Variants in SUPT6H observed in about 807,000 individuals in gnomAD.
SUPT6H encodes transcription elongation factor SPT6.
In SUPT6H, 11 loss-of-function variants were observed where a neutral mutation model predicts 222.3. The observed-to-expected ratio is 0.05, with a 90% CI of 0.03 to 0.08. The LOEUF is 0.08. Ranked by LOEUF, SUPT6H falls within the 10% of genes least tolerant of loss-of-function variation. The pLI, the probability that SUPT6H is intolerant of heterozygous loss-of-function variation, is 1.00. For missense variants in SUPT6H, 1,422 were observed against 2,216.0 expected (o/e 0.64, Z 7.19); for synonymous variants, 762 against 801.2 (o/e 0.95, Z 0.83).
rs947345688 is a variant in SUPT6H, at chr17:28,700,748, T to G, written c.4807-193T>G. The G allele has an allele frequency of 6.5e-6, 6 of 929,154 alleles. No homozygotes were observed. The African/African-American group carries it at 8.3e-5, about 13-fold the overall frequency. The allele number at this position is 929,154 out of a possible 1,614,324, so 57.6% of individuals were successfully genotyped here. A position where few individuals can be genotyped will look rare whatever the true frequency, so the allele number is the denominator to read the frequency against. On this transcript the variant is annotated intron_variant, in intron 35 of 36. Transcript: ENST00000314616. Reference sequence around the variant, plus strand: ...CCCGCAAGCCACCAGAAAGTTGACATGGTCAGGACCAGTGGGCACCACTGT... The same window carrying G: ...CCCGCAAGCCACCAGAAAGTTGACAGGGTCAGGACCAGTGGGCACCACTGT...
chr17:28,671,268 A>G (rs774996017), intron 1 of SUPT6H: 2 of 152,166 alleles, frequency 1.3e-5, no homozygotes, highest in Non-Finnish European at 2.9e-5. Flanking sequence ...AACAGTTGCT[A>G]ATTTGTTAGC....
rs1017668421 is a variant in SUPT6H at position 28,690,160 on chromosome 17, T to A, written c.3421T>A (p.Tyr1141Asn). ...TCGATATAAGGACCTCCGGACAGCCTACCGCTCTCCCAACACAGAGGAGAT... is the reference window on the plus strand; with the variant it reads ...TCGATATAAGGACCTCCGGACAGCCAACCGCTCTCCCAACACAGAGGAGAT... Reference protein sequence around the residue: ...SCRYKDLRTAYRSPNTEEIFN... With the variant: ...SCRYKDLRTANRSPNTEEIFN... The change falls in exon 26 of 37, where the codon TAC becomes AAC. Residue 1141 changes from tyrosine to asparagine, a missense_variant. Transcript: ENST00000314616. The A allele has an allele frequency of 1.2e-6, 2 of 1,613,774 alleles. No homozygotes were observed. Among genetic ancestry groups the A allele is most frequent in the African/African-American group, 2.7e-5 (2 of 74,896 alleles).
At chr17:28,697,586 T>C (rs2031979732) in intron 30 of SUPT6H, 34 bp from the exon 31 acceptor site, 1 of 1,557,150 alleles carries the variant, frequency 6.4e-7, no homozygotes, top group Non-Finnish European at 8.9e-7. Flanking sequence ...CAGCTCTGGA[T>C]ATGACACATG....
rs2032064147 is a variant in SUPT6H at position 28,699,910 on chromosome 17, C to T, written c.4561+17C>T. 2 of 1,609,314 alleles carry T rather than the reference C, an allele frequency of 1.2e-6. No homozygotes were observed. Among genetic ancestry groups the T allele is most frequent in the Non-Finnish European group, 1.7e-6 (2 of 1,175,824 alleles). ...CTGTACCAGGTGAGTTCTGCTCTTC[C>T]TGACTTCAGGGACGTGGCTGGAGGA... On this transcript the variant is annotated intron_variant, in intron 33 of 36. Transcript: ENST00000314616.
In SUPT6H at chr17:28,675,100, A is replaced by G. The variant is rs1195839869; in HGVS notation, c.476A>G (p.Gln159Arg). The G allele has an allele frequency of 3.7e-6, 6 of 1,613,996 alleles. No individual in the cohort carries two copies. ...IFQDGEGEEG[Q>R]EAMEAPMAPP... ...CAGGATGGGGAAGGGGAAGAAGGGC[A>G]GGAGGCCATGGAGGCCCCCATGGCT... Residue 159 changes from glutamine (Q) to arginine (R), a missense_variant, in exon 5 of 37, where the codon CAG becomes CGG. Coordinates refer to ENST00000314616, the MANE Select transcript of SUPT6H (RefSeq NM_003170.5).
chr17:28,687,996 CAG>C (rs1418168755), intron 23 of SUPT6H, 93 bp from the exon 24 acceptor site: 17 of 1,371,706 alleles, frequency 1.2e-5, no homozygotes, highest in Non-Finnish European at 1.6e-5. Context: ...CTGGGTGGGA[CAG>C]AGTTTTTGTT....
At chr17:28,672,998 A>G (rs1022003613) in intron 1 of SUPT6H, 3 of 176,526 alleles carry the variant, frequency 1.7e-5, no homozygotes, top group African/African-American at 7.2e-5. Flanking sequence ...TAAGAGTACA[A>G]AAATTAGCCA....
chr17:28,672,029 G>A (rs954507112), intron 1 of SUPT6H, among the ~76,000 whole-genome samples: 2 of 152,206 alleles, frequency 1.3e-5, no homozygotes, highest in African/African-American at 4.8e-5. Flanking sequence ...TGCAAGGGGA[G>A]TAAATGATAA....
intron 11 of SUPT6H, among the ~76,000 whole-genome samples, chr17:28,680,304 CAAAAG>C (rs1597699900): frequency 6.7e-6 from 1 of 149,546 alleles, no homozygotes; most frequent in Non-Finnish European, 1.5e-5. Flanking sequence ...AACTCCATCT[CAAAAG>C]AAGAGAGGCT....
intron 1 of SUPT6H, among the ~76,000 whole-genome samples, chr17:28,665,688 G>A (rs532176692): frequency 1.2e-3 from 186 of 152,256 alleles, no homozygotes; most frequent in African/African-American, 4.4e-3. Flanking sequence ...GCTTGAACCT[G>A]GGAGGCGGAG....
chr17:28,682,348 G>A (rs1037814847), intron 13 of SUPT6H, among the ~76,000 whole-genome samples: 2 of 152,058 alleles, frequency 1.3e-5, no homozygotes, highest in Non-Finnish European at 2.9e-5. Flanking sequence ...TGCTCTAGCT[G>A]GGCACAGTGG....
At chr17:28,679,330 G>A (rs1280384455) in intron 11 of SUPT6H, among the ~76,000 whole-genome samples, 4 of 152,112 alleles carry the variant, frequency 2.6e-5, no homozygotes, top group South Asian at 2.1e-4. Context: ...CTGAGATCGT[G>A]CCACTGCTCT....
intron 1 of SUPT6H, among the ~76,000 whole-genome samples, chr17:28,667,100 A>C (rs925234936): frequency 3.0e-4 from 46 of 151,766 alleles, no homozygotes; most frequent in African/African-American, 1.1e-3. Context: ...AAAATATAGG[A>C]TACAAGTGTA....
At chr17:28,680,024 G>A (rs1381835790) in intron 11 of SUPT6H, among the ~76,000 whole-genome samples, 1 of 150,316 alleles carries the variant, frequency 6.7e-6, no homozygotes, top group African/African-American at 2.4e-5. Context: ...GAAAAAGGAG[G>A]CCAGGCGCAG....
At chr17:28,697,838 T>C (rs2031989390) in intron 31 of SUPT6H, 68 bp from the exon 32 acceptor site, 1 of 1,607,402 alleles carries the variant, frequency 6.2e-7, no homozygotes, top group Admixed American at 1.7e-5. Flanking sequence ...GTGTACATCA[T>C]GTGTGCACCA....
At chr17:28,693,865 G>C (rs770298041) in intron 28 of SUPT6H, 29 bp downstream of exon 28, 1 of 1,613,952 alleles carries the variant, frequency 6.2e-7, no homozygotes, top group South Asian at 1.1e-5. Flanking sequence ...TAAGGTCGTA[G>C]TGCAATTTTC....
intron 27 of SUPT6H, 50 bp from the exon 28 acceptor site, chr17:28,693,646 C>G: frequency 1.2e-6 from 2 of 1,604,298 alleles, no homozygotes; most frequent in Non-Finnish European, 1.7e-6. Context: ...TCTGAATGAG[C>G]GATCTCCAGA....
At chr17:28,693,586 G>A (rs148227573) in intron 27 of SUPT6H, 110 bp from the exon 28 acceptor site, 70 of 1,297,828 alleles carry the variant, frequency 5.4e-5, no homozygotes, top group Admixed American at 7.9e-5. Flanking sequence ...TCAGATCATG[G>A]TGCAAGGTGT....
intron 9 of SUPT6H, 75 bp from the exon 10 acceptor site, chr17:28,678,470 G>C: frequency 7.0e-7 from 1 of 1,419,930 alleles, no homozygotes; most frequent in Admixed American, 1.7e-5. Context: ...TCTCCAGGAA[G>C]TCATTATCTA....
Sources: gnomAD v4.1 joint callset for allele counts (sites outside exome capture counted in the v4.1 genomes callset) on GRCh38, gnomAD v4.1.1 for gene constraint, MANE v1.5 for transcripts, NCBI Gene and HGNC (gene_info 2026-07-23, HGNC 2026-07-21) for gene names.